The following DLG2 variants were observed in gnomAD, a reference collection of about 807,000 sequenced individuals.
DLG2 encodes discs large MAGUK scaffold protein 2.
In DLG2, 45 loss-of-function variants were observed where a neutral mutation model predicts 132.5. That is an observed-to-expected ratio of 0.34 (90% CI 0.27 to 0.44). The LOEUF (loss-of-function observed/expected upper bound fraction) is 0.44. Ranked by LOEUF, DLG2 falls within the 20% of genes least tolerant of loss-of-function variation. The pLI is 1.00. For synonymous variants in DLG2, 424 were observed against 419.6 expected, an observed-to-expected ratio of 1.01 and a Z score of -0.13; for missense variants, 1,045 against 1,196.9, an observed-to-expected ratio of 0.87 and a Z score of 1.87.
At chr11:85,052,553 T>A (rs945766376) in intron 6 of DLG2, among the ~76,000 whole-genome samples, 1 of 152,196 alleles carries the variant, frequency 6.6e-6, no homozygotes, top group Admixed American at 6.5e-5. Context: ...GATATAGCAG[T>A]GAATGTTTTG....
intron 7 of DLG2, among the ~76,000 whole-genome samples, chr11:84,314,393 G>C (rs1407204524): frequency 6.6e-6 from 1 of 152,170 alleles, no homozygotes; most frequent in Non-Finnish European, 1.5e-5. Context: ...CTTAGTTTTA[G>C]TGGACACATG....
At chr11:83,558,848 CGTGTGTGTGT>C (rs3039336) in intron 19 of DLG2, among the ~76,000 whole-genome samples, 135 of 142,336 alleles carry the variant, frequency 9.5e-4, no homozygotes, top group African/African-American at 3.1e-3. Context: ...TGCTAGATGT[CGTGTGTGTGT>C]GTGTGTGTGT....
intron 9 of DLG2, among the ~76,000 whole-genome samples, chr11:84,108,974 C>G (rs2093162291): frequency 6.6e-6 from 1 of 151,984 alleles, no homozygotes; most frequent in African/African-American, 2.4e-5. Flanking sequence ...GACAGGGATG[C>G]TGTGTATGAG....
intron 21 of DLG2, among the ~76,000 whole-genome samples, chr11:83,496,759 A>G (rs2094168693): frequency 6.6e-6 from 1 of 152,202 alleles, no homozygotes; most frequent in South Asian, 2.1e-4. Flanking sequence ...TAGAAATCAA[A>G]TCAGTGGAAG....
intron 16 of DLG2, among the ~76,000 whole-genome samples, chr11:83,846,679 C>A (rs1409811950): frequency 2.0e-5 from 3 of 152,020 alleles, no homozygotes; most frequent in Non-Finnish European, 4.4e-5. Flanking sequence ...CATATAACAA[C>A]CTTGGTAAAT....
Position 84,230,236 on chromosome 11 carries a change from C to A in DLG2, c.573+21002G>T, listed in dbSNP as rs1395640847. The stretch of plus-strand genomic sequence containing the variant: ...TGTTTACAAAATAACTAAGATACAA[C>A]CTACTAGGAGCCCCACAGCATCATT... On this transcript the variant is annotated intron_variant, in intron 8 of 27. Transcript: ENST00000376104. Among the ~76,000 whole-genome samples the A allele has an allele frequency of 2.6e-5, 4 of 152,126 alleles. 1 individual carries two copies. Among genetic ancestry groups the A allele is most frequent in the Non-Finnish European group, 5.9e-5 (4 of 68,030 alleles).
At chr11:84,626,688 T>C (rs933563383) in intron 6 of DLG2, among the ~76,000 whole-genome samples, 8 of 152,238 alleles carry the variant, frequency 5.3e-5, no homozygotes, top group Non-Finnish European at 1.0e-4. Context: ...AAGTTAGCTC[T>C]GCACTAGCAG....
chr11:83,533,698 A>C (rs2095814563), intron 20 of DLG2, among the ~76,000 whole-genome samples: 1 of 152,208 alleles, frequency 6.6e-6, no homozygotes, highest in South Asian at 2.1e-4. Context: ...AGATTGCAGA[A>C]AGATTCTAGT....
chr11:85,032,646 G>A (rs1257990921), intron 6 of DLG2, among the ~76,000 whole-genome samples: 2 of 152,020 alleles, frequency 1.3e-5, no homozygotes, highest in Non-Finnish European at 2.9e-5. Context: ...CATTATTATT[G>A]GTTATCCATT....
intron 21 of DLG2, among the ~76,000 whole-genome samples, chr11:83,524,285 ATC>A (rs1413478701): frequency 2.6e-5 from 4 of 152,112 alleles, no homozygotes; most frequent in African/African-American, 9.7e-5. Context: ...GCCTAACAAA[ATC>A]TCTGGGGAGC....
At chr11:84,995,744 T>C (rs2057588378) in intron 6 of DLG2, among the ~76,000 whole-genome samples, 1 of 151,996 alleles carries the variant, frequency 6.6e-6, no homozygotes, top group South Asian at 2.1e-4. Flanking sequence ...AAAAGAGGAA[T>C]GGATTTTATT....
intron 6 of DLG2, among the ~76,000 whole-genome samples, chr11:84,772,005 T>C (rs1202392010): frequency 3.9e-5 from 6 of 152,124 alleles, no homozygotes; most frequent in Non-Finnish European, 5.9e-5. Context: ...ATCTGCAGTC[T>C]TGAAGGGCAT....
At chr11:85,274,734 T>A (rs2077778162) in intron 4 of DLG2, among the ~76,000 whole-genome samples, 1 of 152,178 alleles carries the variant, frequency 6.6e-6, no homozygotes, top group South Asian at 2.1e-4. Context: ...CATAAAACCT[T>A]AAAATATTAC....
intron 3 of DLG2, among the ~76,000 whole-genome samples, chr11:85,288,995 G>C (rs1439022713): frequency 6.6e-6 from 1 of 151,928 alleles, no homozygotes; most frequent in Non-Finnish European, 1.5e-5. Context: ...AAACCCTAGG[G>C]ACAATATTTT....
At chr11:84,667,498 G>GTTTTTTTTTTTTTTTTTTTTTT (rs57863742) in intron 6 of DLG2, among the ~76,000 whole-genome samples, 9 of 122,238 alleles carry the variant, frequency 7.4e-5, no homozygotes, top group Non-Finnish European at 9.7e-5. Context: ...TTTGTTTTTT[G>GTTTTTTTTTTTTTTTTTTTTTT]TTTTTTTTTT....
At chr11:84,305,603 GTCTA>G (rs1204335578) in intron 7 of DLG2, among the ~76,000 whole-genome samples, 1 of 152,042 alleles carries the variant, frequency 6.6e-6, no homozygotes, top group Non-Finnish European at 1.5e-5. Flanking sequence ...CTAGTTATCT[GTCTA>G]TCTATCTATT....
At chr11:85,142,239 T>C (rs569590697) in intron 5 of DLG2, among the ~76,000 whole-genome samples, 2 of 151,838 alleles carry the variant, frequency 1.3e-5, no homozygotes, top group Non-Finnish European at 3.0e-5. Context: ...CTTTTACTAA[T>C]GTTTTATCGT....
chr11:85,142,113 T>C (rs1458852182), intron 5 of DLG2, among the ~76,000 whole-genome samples: 1 of 151,882 alleles, frequency 6.6e-6, no homozygotes, highest in Admixed American at 6.6e-5. Flanking sequence ...GGTATTTTGA[T>C]AGGGATTTCA....
intron 6 of DLG2, among the ~76,000 whole-genome samples, chr11:85,080,935 A>C (rs1449291874): frequency 6.6e-6 from 1 of 152,172 alleles, no homozygotes; most frequent in African/African-American, 2.4e-5. Flanking sequence ...TGTTTTTCAA[A>C]GATGTTAAAA....
Sources: gnomAD v4.1 joint callset for allele counts (sites outside exome capture counted in the v4.1 genomes callset) on GRCh38, gnomAD v4.1.1 for gene constraint, MANE v1.5 for transcripts, NCBI Gene and HGNC (gene_info 2026-07-23, HGNC 2026-07-21) for gene names.